IMPG2: variants seen among roughly 807,000 people sequenced by gnomAD.
IMPG2 encodes IPM 200.
In IMPG2, 91 loss-of-function variants were observed where a neutral mutation model predicts 129.2. The ratio of observed to expected loss-of-function variants is 0.70; its 90% CI spans 0.59 to 0.84. The LOEUF (loss-of-function observed/expected upper bound fraction) is 0.84, where lower values mean the gene tolerates loss of function less well. Ranked by LOEUF, IMPG2 falls within the 40% of genes least tolerant of loss-of-function variation. The pLI is 0.00. For synonymous variants in IMPG2, 510 were observed against 517.7 expected, an observed-to-expected ratio of 0.99 and a Z score of 0.20; for missense variants, 1,430 against 1,461.7, an observed-to-expected ratio of 0.98 and a Z score of 0.35.
chr3:101,232,977 G>T lies in IMPG2; in HGVS notation c.3037C>A (p.Pro1013Thr). 1 of 1,613,882 alleles carries T rather than the reference G, an allele frequency of 6.2e-7. No individual in the cohort carries two copies. The highest frequency in any genetic ancestry group is 8.5e-7 in the Non-Finnish European group (1 of 1,179,910). Reference sequence around the variant, plus strand: ...TCATTACAGGCCTGAAACTTGCAAGGGTTGGCTTCATCACCTAAAACATTA... The same window carrying T: ...TCATTACAGGCCTGAAACTTGCAAGTGTTGGCTTCATCACCTAAAACATTA... ...LDVESGDEAN[P>T]CKFQACNEFS... The change falls in exon 15 of 19, where the codon CCT (proline) becomes ACT (threonine). Residue 1013 changes from proline to threonine, a missense_variant. Transcript: ENST00000193391.
intron 9 of IMPG2, among the ~76,000 whole-genome samples, chr3:101,265,112 C>T (rs1706708715): frequency 6.6e-6 from 1 of 151,978 alleles, no homozygotes; most frequent in South Asian, 2.1e-4. Context: ...TTACAATGAC[C>T]ATACTACCCA....
At chr3:101,249,791 T>C (rs1166911517) in intron 11 of IMPG2, among the ~76,000 whole-genome samples, 1 of 139,970 alleles carries the variant, frequency 7.1e-6, no homozygotes, top group Non-Finnish European at 1.5e-5. Flanking sequence ...TCATGATTCA[T>C]GTCAAAAAAA....
intron 2 of IMPG2, among the ~76,000 whole-genome samples, chr3:101,305,442 T>C (rs1329325680): frequency 2.6e-5 from 4 of 152,084 alleles, no homozygotes; most frequent in Admixed American, 6.6e-5. Flanking sequence ...ACCCATAGAA[T>C]GTACAACACA....
At chr3:101,256,807 A>G (rs1012418954) in intron 10 of IMPG2, among the ~76,000 whole-genome samples, 2 of 152,136 alleles carry the variant, frequency 1.3e-5, no homozygotes, top group East Asian at 1.9e-4. Context: ...CGATGAGTAA[A>G]GAAATCATGG....
chr3:101,273,802 T>G, intron 6 of IMPG2, 60 bp from the exon 7 acceptor site: 1 of 1,486,092 alleles, frequency 6.7e-7, no homozygotes, highest in South Asian at 1.1e-5. Context: ...CAACAAACAT[T>G]TATTGATTGT....
In IMPG2 at chr3:101,256,168, A is replaced by AGAAG. The variant is rs1491432008; in HGVS notation, c.1153+1360_1153+1361insCTTC. On this transcript the variant is annotated intron_variant, in intron 10 of 18. Coordinates refer to ENST00000193391, the MANE Select transcript of IMPG2 (RefSeq NM_016247.4). ...AGAAAAGAAAGAAAGAAAGAAAGAA[A>AGAAG]GAAAGAAAGAAAGAAAGAAAGAAAG... Among the ~76,000 whole-genome samples, 127 of 147,652 alleles carry AGAAG rather than the reference A, an allele frequency of 8.6e-4. 1 individual carries two copies. Among genetic ancestry groups the AGAAG allele is most frequent in the African/African-American group, 3.0e-3 (119 of 39,596 alleles).
intron 14 of IMPG2, among the ~76,000 whole-genome samples, chr3:101,234,418 T>C (rs1345789835): frequency 3.3e-5 from 5 of 152,076 alleles, no homozygotes; most frequent in African/African-American, 1.2e-4. Context: ...ATTTTGATTT[T>C]GGACTTCTAG....
At chr3:101,316,566 T>C (rs2107146361) in intron 2 of IMPG2, among the ~76,000 whole-genome samples, 1 of 152,128 alleles carries the variant, frequency 6.6e-6, no homozygotes, top group East Asian at 1.9e-4. Context: ...CAATAAGATA[T>C]ACATCCACTG....
intron 2 of IMPG2, among the ~76,000 whole-genome samples, chr3:101,312,275 T>C (rs1164885914): frequency 6.6e-6 from 1 of 152,054 alleles, no homozygotes; most frequent in African/African-American, 2.4e-5. Flanking sequence ...TTTCAAATCA[T>C]TTATCTGATA....
chr3:101,277,004 T>C (rs1706846668), intron 4 of IMPG2, among the ~76,000 whole-genome samples: 1 of 152,218 alleles, frequency 6.6e-6, no homozygotes, highest in African/African-American at 2.4e-5. Context: ...AAATTTTATT[T>C]ATCTTCTTAT....
chr3:101,292,117 G>A, intron 3 of IMPG2, among the ~76,000 whole-genome samples: 1 of 152,158 alleles, frequency 6.6e-6, no homozygotes, highest in South Asian at 2.1e-4. Context: ...CCCCTCCTTA[G>A]CTATACAGGA....
intron 4 of IMPG2, among the ~76,000 whole-genome samples, chr3:101,278,864 G>T (rs900198448): frequency 2.6e-5 from 4 of 152,108 alleles, no homozygotes; most frequent in African/African-American, 9.7e-5. Flanking sequence ...AACCTAAAGG[G>T]ATATGACATC....
At chr3:101,275,803 C>T in intron 5 of IMPG2, 58 bp from the exon 6 acceptor site, 12 of 1,275,730 alleles carry the variant, frequency 9.4e-6, no homozygotes, top group Non-Finnish European at 1.1e-5. Flanking sequence ...GTCAGAATTC[C>T]TATCAGGAAA....
chr3:101,228,774 G>T (rs776606279), intron 18 of IMPG2, 23 bp downstream of exon 18: 4 of 1,586,136 alleles, frequency 2.5e-6, no homozygotes, highest in East Asian at 2.2e-5. Context: ...AGGTCGGGGT[G>T]GGGGGCTGTT....
intron 10 of IMPG2, among the ~76,000 whole-genome samples, chr3:101,256,403 A>T (rs557864677): frequency 3.0e-4 from 45 of 152,040 alleles, no homozygotes; most frequent in African/African-American, 1.1e-3. Context: ...GAAAGACAAG[A>T]CTTTTCTTTG....
rs768660614 is a variant in IMPG2, at chr3:101,320,304, G to GT, written c.68dup (p.Asp23GlufsTer29). On this transcript the variant is annotated frameshift_variant, in exon 1 of 19. Coordinates refer to ENST00000193391, the MANE Select transcript of IMPG2 (RefSeq NM_016247.4). LOFTEE classifies it high-confidence loss of function. ...TTTAAATACCTGTTAATGATGGAAAGTCTCCTTCTATCAGGACAAATATCA... is the reference window on the plus strand; with the variant it reads ...TTTAAATACCTGTTAATGATGGAAAGTTCTCCTTCTATCAGGACAAATATCA... The GT allele has an allele frequency of 6.3e-7, 1 of 1,583,026 alleles. No individual in the cohort carries two copies. Among genetic ancestry groups the GT allele is most frequent in the Non-Finnish European group, 8.7e-7 (1 of 1,152,608 alleles).
chr3:101,285,227 T>TA (rs1706931937), intron 4 of IMPG2, among the ~76,000 whole-genome samples: 1 of 152,198 alleles, frequency 6.6e-6, no homozygotes, highest in African/African-American at 2.4e-5. Context: ...GTAACACCAC[T>TA]ATCCATTCCT....
In IMPG2 at chr3:101,304,288, G is replaced by C. The variant is rs369582138; in HGVS notation, c.359C>G (p.Ala120Gly). 2 of 1,613,826 alleles carry C rather than the reference G, an allele frequency of 1.2e-6. No homozygotes were observed. The highest frequency in any genetic ancestry group is 2.2e-5 in the East Asian group (1 of 44,880). ...AAGTCGATCCCAAAAAGTCCTGAAG[G>C]CTTCCCAGACAGCTTCCTGACACAC... ...VRVCQEAVWEAFRTFWDRLPG... is the reference protein window; with the variant it reads ...VRVCQEAVWEGFRTFWDRLPG... The change falls in exon 3 of 19, where the codon GCC becomes GGC. Residue 120 changes from alanine to glycine, a missense_variant. Transcript: ENST00000193391.
At chr3:101,295,379 G>A (rs553835043) in intron 3 of IMPG2, among the ~76,000 whole-genome samples, 17 of 152,324 alleles carry the variant, frequency 1.1e-4, no homozygotes, top group African/African-American at 4.1e-4. Context: ...TCAAAGATCA[G>A]ATGGTTGTAG....
Sources: gnomAD v4.1 joint callset for allele counts (sites outside exome capture counted in the v4.1 genomes callset) on GRCh38, gnomAD v4.1.1 for gene constraint, MANE v1.5 for transcripts, NCBI Gene and HGNC (gene_info 2026-07-23, HGNC 2026-07-21) for gene names.